Variants in APBA2 observed in about 807,000 individuals in gnomAD.
The protein encoded by APBA2 is amyloid beta precursor protein binding family A member 2.
APBA2 carries 30 observed loss-of-function variants against 75.0 expected under a neutral mutation model. The observed-to-expected ratio is 0.40, with a 90% CI of 0.30 to 0.54. The LOEUF is 0.54. Ranked by LOEUF, APBA2 falls within the 20% of genes least tolerant of loss-of-function variation. The pLI is 0.49. For missense variants in APBA2, 801 were observed against 1,016.1 expected (o/e 0.79, Z 2.88); for synonymous variants, 444 against 409.6 (o/e 1.08, Z -1.01).
chr15:28,987,786 C>G (rs778439289), intron 2 of APBA2, among the ~76,000 whole-genome samples: 76 of 130,914 alleles, frequency 5.8e-4, no homozygotes, highest in Non-Finnish European at 1.0e-3. Context: ...TGGAGTCTCA[C>G]CACTCTGTCA....
At chr15:29,039,029 T>C (rs1029725302) in intron 3 of APBA2, among the ~76,000 whole-genome samples, 2 of 151,404 alleles carry the variant, frequency 1.3e-5, no homozygotes, top group African/African-American at 4.9e-5. Flanking sequence ...AGGAAGAAGA[T>C]GAAGCGGGGA....
At chr15:29,021,606 G>A (rs958730920) in intron 3 of APBA2, among the ~76,000 whole-genome samples, 11 of 152,096 alleles carry the variant, frequency 7.2e-5, no homozygotes, top group Non-Finnish European at 1.5e-4. Context: ...ACCTGCTCAC[G>A]TTTCCTCCTG....
chr15:28,919,865 T>A (rs543567896), intron 1 of APBA2, among the ~76,000 whole-genome samples: 2 of 152,308 alleles, frequency 1.3e-5, no homozygotes, highest in African/African-American at 4.8e-5. Flanking sequence ...AAGAATGGGC[T>A]TGAGCATGGC....
At chr15:28,975,186 C>A (rs1335442005) in intron 2 of APBA2, among the ~76,000 whole-genome samples, 1 of 151,944 alleles carries the variant, frequency 6.6e-6, no homozygotes, top group Non-Finnish European at 1.5e-5. Flanking sequence ...AGATTGACCC[C>A]AGTAGACACA....
At chr15:29,022,875 G>A (rs1381903304) in intron 3 of APBA2, among the ~76,000 whole-genome samples, 2 of 122,694 alleles carry the variant, frequency 1.6e-5, no homozygotes, top group African/African-American at 1.1e-4. Context: ...ATCTGGGAAT[G>A]TAGTGTATTT....
At chr15:29,113,761 G>C in intron 13 of APBA2, 115 bp from the exon 14 acceptor site, 2 of 1,344,670 alleles carry the variant, frequency 1.5e-6, no homozygotes, top group Non-Finnish European at 2.1e-6. Flanking sequence ...AATTGCACGT[G>C]CACGTATTCA....
chr15:28,980,906 T>G (rs1004673608), intron 2 of APBA2, among the ~76,000 whole-genome samples: 2 of 152,190 alleles, frequency 1.3e-5, no homozygotes, highest in African/African-American at 4.8e-5. Flanking sequence ...CATCTGCCCT[T>G]TGACAAAGCT....
Position 29,015,518 on chromosome 15 carries a change from A to G in APBA2, c.-41+19712A>G, listed in dbSNP as rs1403446479. Among the ~76,000 whole-genome samples the G allele has an allele frequency of 3.3e-5, 5 of 152,200 alleles. No homozygotes were observed. In the East Asian group the frequency reaches 9.6e-4, roughly 29 times the overall value. ...CCAGTTTGGTCAGCTGGCAGATGAT[A>G]AGAGGGAGAGAATCTTTTAGAAAAC... is the stretch of plus-strand genomic sequence containing the variant. On this transcript the variant is annotated intron_variant, in intron 3 of 14. Coordinates refer to ENST00000683413, the MANE Select transcript of APBA2 (RefSeq NM_001353788.2).
intron 6 of APBA2, among the ~76,000 whole-genome samples, chr15:29,078,590 G>A (rs1387350082): frequency 3.3e-5 from 5 of 150,736 alleles, no homozygotes; most frequent in Admixed American, 2.6e-4. Context: ...CAGCCTGGGC[G>A]GCAGAGCAAG....
intron 2 of APBA2, among the ~76,000 whole-genome samples, chr15:28,945,967 G>A (rs1046475561): frequency 2.2e-4 from 33 of 152,202 alleles, no homozygotes; most frequent in African/African-American, 8.0e-4. Flanking sequence ...TTTGGTGTTT[G>A]TGCCCACACT....
At chr15:29,093,783 A>T (rs1054422405) in intron 7 of APBA2, among the ~76,000 whole-genome samples, 9 of 152,168 alleles carry the variant, frequency 5.9e-5, no homozygotes, top group African/African-American at 2.2e-4. Flanking sequence ...GGATCTGCAG[A>T]GGCCCGCCAG....
chr15:28,900,737 C>T (rs1323672361), intron 1 of APBA2, among the ~76,000 whole-genome samples: 3 of 152,196 alleles, frequency 2.0e-5, no homozygotes, highest in Non-Finnish European at 4.4e-5. Context: ...GATGTCCTGT[C>T]CCATCTGCAG....
intron 2 of APBA2, among the ~76,000 whole-genome samples, chr15:28,937,995 G>T (rs1324437447): frequency 1.1e-4 from 17 of 152,186 alleles, no homozygotes; most frequent in Admixed American, 8.5e-4. Context: ...GTAAGTCAGG[G>T]ACTTAGTGTC....
At chr15:28,950,911 T>A (rs1409804438) in intron 2 of APBA2, among the ~76,000 whole-genome samples, 1 of 152,232 alleles carries the variant, frequency 6.6e-6, no homozygotes, top group Non-Finnish European at 1.5e-5. Context: ...ATTTTATTGC[T>A]CAAACTGTCC....
intron 13 of APBA2, among the ~76,000 whole-genome samples, chr15:29,109,209 G>C (rs893940685): frequency 6.6e-6 from 1 of 152,182 alleles, no homozygotes; most frequent in African/African-American, 2.4e-5. Flanking sequence ...AGTCAGGAAA[G>C]ACAGTGGGAG....
chr15:29,102,932 G>A (rs1196159382), intron 10 of APBA2, among the ~76,000 whole-genome samples: 4 of 139,024 alleles, frequency 2.9e-5, no homozygotes, highest in African/African-American at 9.8e-5. Context: ...GGCTGGCGCA[G>A]TCATCTTCTT....
intron 8 of APBA2, among the ~76,000 whole-genome samples, chr15:29,098,075 A>G (rs1281089248): frequency 6.6e-6 from 1 of 152,188 alleles, no homozygotes; most frequent in East Asian, 1.9e-4. Context: ...GGTTGATCCC[A>G]TGTCTTGGCT....
chr15:29,011,214 C>T (rs942118248), intron 3 of APBA2, among the ~76,000 whole-genome samples: 1 of 152,076 alleles, frequency 6.6e-6, no homozygotes. Context: ...ATGAATAGAC[C>T]ACATTTTGTT....
At chr15:29,107,288 C>T (rs535662587) in intron 12 of APBA2, among the ~76,000 whole-genome samples, 2 of 152,302 alleles carry the variant, frequency 1.3e-5, no homozygotes, top group South Asian at 2.1e-4. Context: ...CCGTCAGACT[C>T]GTGAGCTTGC....
Sources: allele counts gnomAD v4.1 joint callset (sites outside exome capture counted in the v4.1 genomes callset), GRCh38; gene constraint gnomAD v4.1.1; transcripts MANE v1.5; gene names NCBI Gene and HGNC (gene_info 2026-07-23, HGNC 2026-07-21).